FMN2: variants seen among roughly 807,000 people sequenced by gnomAD.
The protein encoded by FMN2 is formin-2.
Under a neutral mutation model 142.3 loss-of-function variants are expected in FMN2, and 51 were observed. The observed-to-expected ratio is 0.36, with a 90% confidence interval of 0.29 to 0.45. The LOEUF (loss-of-function observed/expected upper bound fraction) is 0.45, where lower values mean the gene tolerates loss of function less well. FMN2 is among the 20% of genes least tolerant of loss of function. The pLI, the probability that FMN2 is intolerant of heterozygous loss-of-function variation, is 1.00. For synonymous variants in FMN2, 882 were observed against 869.8 expected, an observed-to-expected ratio of 1.01 and a Z score of -0.25; for missense variants, 1,936 against 2,122.8, an observed-to-expected ratio of 0.91 and a Z score of 1.73.
rs185966588 is a variant in FMN2, at chr1:240,228,537, A to T, written c.4065+17302A>T. Among the ~76,000 whole-genome samples, 350 of 152,174 alleles carry T rather than the reference A, an allele frequency of 2.3e-3. 3 individuals are homozygous for T. Among genetic ancestry groups the T allele is most frequent in the African/African-American group, 7.8e-3 (325 of 41,546 alleles). ...ATAATCAAAGAGAAAGGCCATAGCT[A>T]GCATGATAAGGATGCGGAGAAACTG... On this transcript the variant is annotated intron_variant, in intron 6 of 17. Transcript: ENST00000319653.
chr1:240,216,393 T>G (rs1488273923), intron 6 of FMN2, among the ~76,000 whole-genome samples: 1 of 152,232 alleles, frequency 6.6e-6, no homozygotes, highest in Non-Finnish European at 1.5e-5. Context: ...TTTTAAAAAG[T>G]ACATAACTTG....
intron 15 of FMN2, among the ~76,000 whole-genome samples, chr1:240,410,176 A>T (rs1053882733): frequency 6.7e-6 from 1 of 149,910 alleles, no homozygotes; most frequent in Non-Finnish European, 1.5e-5. Flanking sequence ...AAAAAAAAAT[A>T]GAAGGTTTAT....
At chr1:240,330,477 G>T in intron 10 of FMN2, 126 bp from the exon 11 acceptor site, 2 of 899,394 alleles carry the variant, frequency 2.2e-6, no homozygotes, top group Non-Finnish European at 3.3e-6. Context: ...TAATAATTAG[G>T]AATGATAAAG....
At chr1:240,354,535 A>C (rs943945263) in intron 13 of FMN2, among the ~76,000 whole-genome samples, 4 of 152,200 alleles carry the variant, frequency 2.6e-5, no homozygotes, top group Non-Finnish European at 5.9e-5. Context: ...TCCAGCATCC[A>C]GCCTGCAAGA....
intron 8 of FMN2, among the ~76,000 whole-genome samples, chr1:240,322,752 G>A (rs17678913): frequency 0.19 from 28,712 of 152,002 alleles, 2,883 homozygotes; most frequent in Admixed American, 0.26. Context: ...CTGTTGTTCC[G>A]TGTCACCATG....
intron 6 of FMN2, among the ~76,000 whole-genome samples, chr1:240,255,896 G>T (rs963451088): frequency 6.6e-6 from 1 of 152,082 alleles, no homozygotes; most frequent in African/African-American, 2.4e-5. Flanking sequence ...GTTATAATGC[G>T]ACGAAAATAA....
intron 14 of FMN2, among the ~76,000 whole-genome samples, chr1:240,367,976 A>G (rs1454801448): frequency 6.6e-6 from 1 of 152,072 alleles, no homozygotes; most frequent in Non-Finnish European, 1.5e-5. Context: ...GTTTAGTGCC[A>G]TGTAAGGAAT....
At chr1:240,143,404 A>C in intron 2 of FMN2, 5 of 1,427,478 alleles carry the variant, frequency 3.5e-6, no homozygotes, top group Non-Finnish European at 4.9e-6. Flanking sequence ...CCCCACAGCA[A>C]TAAGGGCAAT....
At chr1:240,244,026 C>G (rs1029141896) in intron 6 of FMN2, among the ~76,000 whole-genome samples, 6 of 152,184 alleles carry the variant, frequency 3.9e-5, no homozygotes, top group African/African-American at 1.2e-4. Context: ...GTTTGAGAAA[C>G]AACAGTTTTC....
intron 7 of FMN2, among the ~76,000 whole-genome samples, chr1:240,276,587 A>G (rs1458132605): frequency 6.6e-6 from 1 of 152,100 alleles, no homozygotes. Context: ...TGCACAATTC[A>G]TATTGTTAGT....
At chr1:240,214,162 T>G (rs1393568565) in intron 6 of FMN2, among the ~76,000 whole-genome samples, 1 of 152,232 alleles carries the variant, frequency 6.6e-6, no homozygotes, top group Non-Finnish European at 1.5e-5. Flanking sequence ...GAATATAGTT[T>G]GACATAGTTT....
chr1:240,237,169 A>T (rs1421410232), intron 6 of FMN2, among the ~76,000 whole-genome samples: 1 of 152,204 alleles, frequency 6.6e-6, no homozygotes, highest in African/African-American at 2.4e-5. Context: ...ACAATGATTT[A>T]AAGACTGGGC....
intron 1 of FMN2, among the ~76,000 whole-genome samples, chr1:240,096,521 C>T (rs1644373473): frequency 6.6e-6 from 1 of 152,198 alleles, no homozygotes. Context: ...TTACTCTCCT[C>T]TGCTATTTTT....
At chr1:240,367,595 C>T (rs556336293) in intron 14 of FMN2, among the ~76,000 whole-genome samples, 56 of 151,634 alleles carry the variant, frequency 3.7e-4, no homozygotes, top group East Asian at 5.8e-4. Context: ...GGTGAAACCC[C>T]ATCTCTACTA....
intron 15 of FMN2, among the ~76,000 whole-genome samples, chr1:240,418,159 C>A (rs546577417): frequency 6.7e-6 from 1 of 149,826 alleles, no homozygotes; most frequent in African/African-American, 2.4e-5. Context: ...ATCTGATAGA[C>A]TTTGTTTAAT....
At chr1:240,095,378 T>C (rs1661161561) in intron 1 of FMN2, among the ~76,000 whole-genome samples, 1 of 105,068 alleles carries the variant, frequency 9.5e-6, no homozygotes, top group African/African-American at 4.1e-5. Flanking sequence ...TGTAAGCATA[T>C]ATGTGCATAC....
intron 2 of FMN2, among the ~76,000 whole-genome samples, chr1:240,175,668 A>G (rs1259393337): frequency 1.3e-5 from 2 of 151,686 alleles, no homozygotes; most frequent in East Asian, 3.9e-4. Flanking sequence ...TTTTGTAGAG[A>G]TGAGGTTTTG....
At chr1:240,148,277 CAGAGACAGAG>C (rs1330666674) in intron 2 of FMN2, among the ~76,000 whole-genome samples, 1 of 102,178 alleles carries the variant, frequency 9.8e-6, no homozygotes, top group Non-Finnish European at 2.2e-5. Context: ...CAGAGATAGA[CAGAGACAGAG>C]ACAGACAGAG....
chr1:240,336,300 A>G (rs1262851919), intron 13 of FMN2, among the ~76,000 whole-genome samples: 1 of 152,116 alleles, frequency 6.6e-6, no homozygotes. Context: ...CATCTTAGCA[A>G]TTTTTGAGTA....
Sources: gnomAD v4.1 joint callset for allele counts (sites outside exome capture counted in the v4.1 genomes callset) on GRCh38, gnomAD v4.1.1 for gene constraint, MANE v1.5 for transcripts, NCBI Gene and HGNC (gene_info 2026-07-23, HGNC 2026-07-21) for gene names.